PRR5: variants seen among roughly 807,000 people sequenced by gnomAD.
PRR5 encodes proline rich 5.
A neutral mutation model predicts 30.6 loss-of-function variants in PRR5; 25 were observed. The ratio of observed to expected loss-of-function variants is 0.82; its 90% confidence interval spans 0.60 to 1.14. The LOEUF (loss-of-function observed/expected upper bound fraction) is 1.14, where lower values mean the gene tolerates loss of function less well. Among genes scored for constraint, PRR5 ranks in the 50% most tolerant of loss-of-function variants. The pLI is 0.00. For synonymous variants in PRR5, 286 were observed against 247.1 expected (o/e 1.16, Z -1.48); for missense variants, 600 against 547.1 (o/e 1.10, Z -0.96).
rs960229341 is a variant in PRR5, at chr22:44,702,718, G to A, written c.134+110G>A. 32 of 1,219,564 alleles carry A rather than the reference G, an allele frequency of 2.6e-5. No homozygotes were observed. The Admixed American group carries it at 4.3e-4, about 17-fold the overall frequency. The allele number at this position is 1,219,564 out of a possible 1,614,324, so 75.5% of individuals were successfully genotyped here. A position where few individuals can be genotyped will look rare whatever the true frequency, so the allele number is the denominator to read the frequency against. On this transcript the variant is annotated intron_variant, in intron 1 of 7. Transcript: ENST00000336985. ...CGAGCCAGGAACGCTGCCGAAGGCG[G>A]CGCGGCGCTTCACAGTTTGCAAAGA... is the stretch of plus-strand genomic sequence containing the variant.
chr22:44,674,139 G>A (rs1234770307), upstream of PRR5, among the ~76,000 whole-genome samples: 2 of 151,274 alleles, frequency 1.3e-5, no homozygotes, highest in Admixed American at 6.6e-5. Context: ...TCTGTATCCT[G>A]CTTTTTTCTT....
intron 4 of PRR5, among the ~76,000 whole-genome samples, chr22:44,727,036 GA>G (rs963028167): frequency 1.2e-4 from 18 of 152,106 alleles, no homozygotes; most frequent in Non-Finnish European, 2.1e-4. Flanking sequence ...CAGGGTGGGG[GA>G]CTCAGCTGAA....
intron 1 of PRR5, among the ~76,000 whole-genome samples, chr22:44,709,255 G>C (rs6007255): frequency 6.6e-5 from 10 of 152,170 alleles, no homozygotes; most frequent in African/African-American, 2.4e-4. Context: ...AGCCTGAGCA[G>C]ATTTCTTGCC....
Position 44,714,634 on chromosome 22 carries a change from C to T in PRR5, c.178C>T (p.Pro60Ser). Residue 60 changes from proline (P) to serine (S), a missense_variant, in exon 2 of 8, where the codon CCC (proline) becomes TCC (serine). Pro to Ser is a moderately conservative substitution (Grantham distance 74, BLOSUM62 -1). Transcript: ENST00000336985. ...CGCCGTCTTCCAGCGCAAGGGGCTG[C>T]CCGACCAGGAGCTCTTCAGCCTCAA... ...VIAVFQRKGLPDQELFSLNEG... is the reference protein window; with the variant it reads ...VIAVFQRKGLSDQELFSLNEG... 2 of 1,613,740 alleles carry T rather than the reference C, an allele frequency of 1.2e-6. No individual in the cohort carries two copies. The highest frequency in any genetic ancestry group is 1.7e-6 in the Non-Finnish European group (2 of 1,180,010).
chr22:44,703,201 G>T (rs757494139), intron 1 of PRR5, among the ~76,000 whole-genome samples: 1 of 152,172 alleles, frequency 6.6e-6, no homozygotes. Context: ...AGCTTTGTTT[G>T]AGGAGCAAGT....
chr22:44,680,549 A>G (rs908571847), intron 1 of PRR5, among the ~76,000 whole-genome samples: 5 of 152,176 alleles, frequency 3.3e-5, no homozygotes, highest in Non-Finnish European at 5.9e-5. Context: ...CGCTGCCTCC[A>G]TGGAGGTCCC....
chr22:44,692,818 G>C (rs1266293911), intron 1 of PRR5, among the ~76,000 whole-genome samples: 1 of 152,254 alleles, frequency 6.6e-6, no homozygotes, highest in Non-Finnish European at 1.5e-5. Context: ...CCCCGGGCCT[G>C]CCTGGCAGGG....
chr22:44,732,728 TGCATACACACCACACACGTGTGCAC>T (rs1569111068), intron 6 of PRR5, among the ~76,000 whole-genome samples: 2 of 149,742 alleles, frequency 1.3e-5, no homozygotes, highest in Non-Finnish European at 3.0e-5. Context: ...CACGTGCACA[TGCATACACACCACACACGTGTGCAC>T]GCACACGCTA....
At chr22:44,698,290 G>C (rs540592503), upstream of PRR5, among the ~76,000 whole-genome samples, 14 of 151,042 alleles carry the variant, frequency 9.3e-5, no homozygotes, top group South Asian at 6.2e-4. Context: ...CCACTCTGGT[G>C]GCTTTGGGGA....
At chr22:44,679,674 C>G (rs1601948285) in intron 1 of PRR5, 1 of 899,432 alleles carries the variant, frequency 1.1e-6, no homozygotes, top group African/African-American at 1.7e-5. Flanking sequence ...CCATTGCACT[C>G]CAGCCTGGGC....
intron 2 of PRR5, among the ~76,000 whole-genome samples, chr22:44,717,621 A>G (rs192466612): frequency 6.6e-6 from 1 of 151,882 alleles, no homozygotes; most frequent in East Asian, 1.9e-4. Flanking sequence ...TTCCATATCA[A>G]TGGAGGTAGA....
At chr22:44,679,768 G>T (rs777697105) in intron 1 of PRR5, 4 of 1,562,142 alleles carry the variant, frequency 2.6e-6, no homozygotes, top group Non-Finnish European at 3.5e-6. Flanking sequence ...CACTCAGTCT[G>T]ATGGGGCAGG....
At chr22:44,699,509 G>A (rs922184942), upstream of PRR5, among the ~76,000 whole-genome samples, 5 of 152,162 alleles carry the variant, frequency 3.3e-5, no homozygotes, top group Non-Finnish European at 5.9e-5. Flanking sequence ...GCACTTTTAT[G>A]AGGCATTTTC....
At chr22:44,710,140 C>T (rs1428852720) in intron 1 of PRR5, among the ~76,000 whole-genome samples, 1 of 152,138 alleles carries the variant, frequency 6.6e-6, no homozygotes, top group Admixed American at 6.5e-5. Context: ...TCCCCCATGG[C>T]CTGTTCTGGA....
chr22:44,679,105 C>A (rs1924030347), intron 1 of PRR5, among the ~76,000 whole-genome samples: 1 of 152,036 alleles, frequency 6.6e-6, no homozygotes, highest in Non-Finnish European at 1.5e-5. Flanking sequence ...TGAGTGACTC[C>A]CCACTCTCCT....
chr22:44,725,415 G>A, intron 3 of PRR5, 123 bp downstream of exon 3: 1 of 1,371,576 alleles, frequency 7.3e-7, no homozygotes, highest in Non-Finnish European at 1.0e-6. Flanking sequence ...GCAGTTCCAA[G>A]GACCTGCCTC....
chr22:44,730,289 C>T, intron 4 of PRR5: 1 of 985,330 alleles, frequency 1.0e-6, no homozygotes, highest in Non-Finnish European at 1.2e-6. Flanking sequence ...CAACGCTTCC[C>T]TCTTCACTCA....
At chr22:44,701,097 G>T (rs1926236503), upstream of PRR5, among the ~76,000 whole-genome samples, 3 of 152,276 alleles carry the variant, frequency 2.0e-5, 1 homozygote, top group East Asian at 1.9e-4. Flanking sequence ...GGCCGGGCTG[G>T]TCTTGAACTC....
intron 2 of PRR5, among the ~76,000 whole-genome samples, chr22:44,724,305 G>T (rs977254786): frequency 6.6e-6 from 1 of 152,036 alleles, no homozygotes; most frequent in Non-Finnish European, 1.5e-5. Context: ...GCCTGGTGGC[G>T]CATGCCTGTA....
Sources: allele counts gnomAD v4.1 joint callset (sites outside exome capture counted in the v4.1 genomes callset), GRCh38; gene constraint gnomAD v4.1.1; transcripts MANE v1.5; gene names NCBI Gene and HGNC (gene_info 2026-07-23, HGNC 2026-07-21).